LRRC7: variants seen among roughly 807,000 people sequenced by gnomAD.
LRRC7 encodes the protein leucine rich repeat containing 7.
A neutral mutation model predicts 175.7 loss-of-function variants in LRRC7; 23 were observed. The ratio of observed to expected loss-of-function variants is 0.13; its 90% CI spans 0.09 to 0.19. The LOEUF (loss-of-function observed/expected upper bound fraction) is 0.19, where lower values mean the gene tolerates loss of function less well. LRRC7 is among the 10% of genes least tolerant of loss of function. The pLI is 1.00. For missense variants in LRRC7, 1,354 were observed against 1,904.7 expected (o/e 0.71, Z 5.38); for synonymous variants, 685 against 680.9 (o/e 1.01, Z -0.09).
chr1:69,899,841 A>G (rs1042103042), intron 7 of LRRC7, among the ~76,000 whole-genome samples: 3 of 152,134 alleles, frequency 2.0e-5, no homozygotes, highest in Non-Finnish European at 4.4e-5. Flanking sequence ...CTTGGAGTGT[A>G]CAACAAGAAG....
intron 22 of LRRC7, among the ~76,000 whole-genome samples, chr1:70,045,518 A>C (rs1660257327): frequency 6.6e-6 from 1 of 152,172 alleles, no homozygotes; most frequent in South Asian, 2.1e-4. Flanking sequence ...CAAGACTCTC[A>C]TCCTCTTCCC....
intron 3 of LRRC7, among the ~76,000 whole-genome samples, chr1:69,781,767 A>AGAGAGAG (rs1557719914): frequency 1.7e-4 from 5 of 28,870 alleles, no homozygotes; most frequent in Non-Finnish European, 1.9e-4. Context: ...GAGAGAGAGA[A>AGAGAGAG]AGAAAGAAAG....
intron 3 of LRRC7, among the ~76,000 whole-genome samples, chr1:69,783,323 A>AG (rs1673989884): frequency 6.6e-6 from 1 of 152,238 alleles, no homozygotes; most frequent in African/African-American, 2.4e-5. Context: ...CTGGTGACCC[A>AG]GCTAGAGTGA....
rs991942224 is a variant in LRRC7 at position 70,021,041 on chromosome 1, T to C, written c.1457T>C (p.Leu486Pro). Residue 486 changes from leucine (L) to proline (P), a missense_variant, in exon 16 of 27, where the codon CTG (leucine) becomes CCG (proline). Transcript: ENST00000651989. ...QSDSDSFNPT[L>P]WEEQRQQRMT... ...GACAGTGACAGCTTTAACCCTACAC[T>C]GTGGGAAGAGCAGAGACAACAACGC... is the stretch of plus-strand genomic sequence containing the variant. The C allele has an allele frequency of 6.2e-7, 1 of 1,612,696 alleles. No homozygotes were observed. The highest frequency in any genetic ancestry group is 8.5e-7 in the Non-Finnish European group (1 of 1,179,034).
chr1:69,889,438 A>T (rs1645763564), intron 7 of LRRC7, among the ~76,000 whole-genome samples: 1 of 152,208 alleles, frequency 6.6e-6, no homozygotes, highest in Non-Finnish European at 1.5e-5. Context: ...TAATAAGTTT[A>T]TGTAATATTC....
intron 4 of LRRC7, among the ~76,000 whole-genome samples, chr1:69,804,287 G>T (rs961929766): frequency 6.6e-6 from 1 of 151,148 alleles, no homozygotes; most frequent in Non-Finnish European, 1.5e-5. Flanking sequence ...TTAGGTATAG[G>T]CTAGAGATCT....
chr1:69,895,203 G>T (rs1418892373), intron 7 of LRRC7, among the ~76,000 whole-genome samples: 1 of 152,142 alleles, frequency 6.6e-6, no homozygotes, highest in Non-Finnish European at 1.5e-5. Flanking sequence ...TTGCACTCCA[G>T]CCTGGGCAAC....
At position 69,584,450 on chromosome 1, in the gene LRRC7, A is replaced by G. The variant is rs149616995; in HGVS notation, c.2+15809A>G. Among the ~76,000 whole-genome samples, 311 of 152,222 alleles carry G rather than the reference A, an allele frequency of 2.0e-3. 4 individuals carry two copies. The highest frequency in any genetic ancestry group is 7.3e-3 in the African/African-American group (305 of 41,542). On this transcript the variant is annotated intron_variant, in intron 1 of 26. Transcript: ENST00000651989. ...TAGTTGAATTTCAGTAATACCAAAG[A>G]TATGGATTTAAATTTGTTTTCTGTT...
chr1:69,747,508 C>T (rs564488994), intron 2 of LRRC7, among the ~76,000 whole-genome samples: 2 of 152,100 alleles, frequency 1.3e-5, no homozygotes, highest in African/African-American at 2.4e-5. Flanking sequence ...GAAACAACTA[C>T]GCTGGTAGCA....
At chr1:69,849,649 T>C (rs964150010) in intron 7 of LRRC7, among the ~76,000 whole-genome samples, 2 of 152,052 alleles carry the variant, frequency 1.3e-5, no homozygotes, top group Non-Finnish European at 2.9e-5. Flanking sequence ...TGAAAAATCT[T>C]TGGCTTCCTT....
intron 7 of LRRC7, among the ~76,000 whole-genome samples, chr1:69,903,001 A>G (rs2421308): frequency 0.55 from 83,191 of 152,058 alleles, 22,843 homozygotes; most frequent in East Asian, 0.7. Flanking sequence ...TATTTCTGAT[A>G]GTTGTCCTTT....
rs1396526191 is a variant in LRRC7 at position 70,140,607 on chromosome 1, A to C, written c.*18720A>C. 5.3e-5 allele frequency: 8 copies of C among 152,126 alleles called. No homozygotes were observed. Among genetic ancestry groups the C allele is most frequent in the Non-Finnish European group, 4.4e-5 (3 of 68,004 alleles). The allele number at this position is 152,126 out of a possible 1,614,324, so 9.4% of individuals were successfully genotyped here. On this transcript the variant is annotated 3_prime_UTR_variant, in exon 27 of 27. Transcript: ENST00000651989. ...TGCACAAGACAAAATCCTTCTGGTG[A>C]TCCTCAGGCAAGTATAATATAAAAA...
chr1:69,767,949 A>C (rs555278882), intron 3 of LRRC7, among the ~76,000 whole-genome samples: 3 of 152,266 alleles, frequency 2.0e-5, no homozygotes, highest in African/African-American at 7.2e-5. Flanking sequence ...GGAAAAAAAA[A>C]CAGACATTAA....
chr1:70,071,930 A>G (rs1321306453), intron 23 of LRRC7, among the ~76,000 whole-genome samples: 1 of 152,220 alleles, frequency 6.6e-6, no homozygotes, highest in Non-Finnish European at 1.5e-5. Flanking sequence ...AAACCTCCCA[A>G]ATACTTCCAA....
At chr1:69,948,739 C>G (rs1407077634) in intron 8 of LRRC7, among the ~76,000 whole-genome samples, 6 of 152,152 alleles carry the variant, frequency 3.9e-5, no homozygotes, top group Non-Finnish European at 5.9e-5. Context: ...CCCCAACCCA[C>G]CATCTCCTCC....
At chr1:70,013,846 A>G (rs1367969597) in intron 13 of LRRC7, 1 of 152,080 alleles carries the variant, frequency 6.6e-6, no homozygotes, top group Non-Finnish European at 1.5e-5. Flanking sequence ...AGGAACTGAG[A>G]GAACTTGCAA....
Position 69,579,864 on chromosome 1 carries a change from G to A in LRRC7, c.2+11223G>A, listed in dbSNP as rs1027003180. 2.0e-5 allele frequency among the ~76,000 whole-genome samples: 3 copies of A among 151,052 alleles called. No individual in the cohort carries two copies. The East Asian group carries it at 5.9e-4, about 29-fold the overall frequency. The stretch of plus-strand genomic sequence containing the variant: ...GCCCATGCTGGTCTCAAACTCCTGG[G>A]CTGAAGCAGTCCTCCTGCCTTCGCC... On this transcript the variant is annotated intron_variant, in intron 1 of 26. Transcript: ENST00000651989.
chr1:69,637,457 C>A (rs1034697590), intron 1 of LRRC7, among the ~76,000 whole-genome samples: 2 of 151,790 alleles, frequency 1.3e-5, no homozygotes, highest in Non-Finnish European at 2.9e-5. Context: ...GTTAGAAGAC[C>A]TGATCTCTTA....
intron 7 of LRRC7, among the ~76,000 whole-genome samples, chr1:69,847,944 G>A (rs978380803): frequency 3.3e-5 from 5 of 152,050 alleles, no homozygotes; most frequent in Admixed American, 1.3e-4. Context: ...TTCTGGCTTC[G>A]TTGCCTCCCA....
Sources: gnomAD v4.1 joint callset for allele counts (sites outside exome capture counted in the v4.1 genomes callset) on GRCh38, gnomAD v4.1.1 for gene constraint, MANE v1.5 for transcripts, NCBI Gene and HGNC (gene_info 2026-07-23, HGNC 2026-07-21) for gene names.